AGMO: variants seen among roughly 807,000 people sequenced by gnomAD.
AGMO encodes the protein alkylglycerol monooxygenase.
A neutral mutation model predicts 60.2 loss-of-function variants in AGMO; 75 were observed. The observed-to-expected ratio is 1.25, with a 90% CI of 1.03 to 1.51. AGMO has a LOEUF of 1.51. Ranked by LOEUF, AGMO falls within the 40% of genes most tolerant of loss-of-function variation. AGMO has a pLI of 0.00. For missense variants in AGMO, 763 were observed against 525.5 expected, an observed-to-expected ratio of 1.45 and a Z score of -4.42; for synonymous variants, 261 against 177.1, an observed-to-expected ratio of 1.47 and a Z score of -3.76.
chr7:15,399,882 A>G (rs1784509762), intron 5 of AGMO, among the ~76,000 whole-genome samples: 1 of 152,152 alleles, frequency 6.6e-6, no homozygotes, highest in Non-Finnish European at 1.5e-5. Context: ...GTGATTTCTA[A>G]TGTTCTCTTT....
intron 10 of AGMO, among the ~76,000 whole-genome samples, chr7:15,382,854 G>A (rs1357370733): frequency 1.3e-5 from 2 of 152,076 alleles, no homozygotes. Context: ...GTCACTAGGT[G>A]TTTATAAATG....
At chr7:15,120,932 T>C in the AGMO span, among the ~76,000 whole-genome samples, 1 of 152,026 alleles carries the variant, frequency 6.6e-6, no homozygotes, top group Non-Finnish European at 1.5e-5. Flanking sequence ...TTTTAAGCCC[T>C]GCATGCATTA....
At chr7:15,485,142 C>CAAA (rs34731268) in intron 3 of AGMO, among the ~76,000 whole-genome samples, 5,217 of 97,662 alleles carry the variant, frequency 0.053, 164 homozygotes, top group African/African-American at 0.082. Context: ...ACTAAAAATA[C>CAAA]AAAAAAAAAA....
At chr7:15,192,282 C>T in the AGMO span, among the ~76,000 whole-genome samples, 1 of 146,318 alleles carries the variant, frequency 6.8e-6, no homozygotes, top group South Asian at 2.4e-4. Context: ...ATCCTGTACC[C>T]ATAAAAACCC....
At chr7:15,184,180 T>C in the AGMO span, among the ~76,000 whole-genome samples, 3 of 150,430 alleles carry the variant, frequency 2.0e-5, no homozygotes, top group East Asian at 5.9e-4. Flanking sequence ...TTTAAAGCTT[T>C]AAAAGAAATT....
chr7:15,543,211 T>C (rs1284498457), intron 3 of AGMO, among the ~76,000 whole-genome samples: 1 of 152,134 alleles, frequency 6.6e-6, no homozygotes, highest in East Asian at 1.9e-4. Flanking sequence ...TCTTCAGTAG[T>C]TTTTCAAGAT....
At chr7:15,312,222 A>T (rs1413890013) in intron 12 of AGMO, among the ~76,000 whole-genome samples, 1 of 152,132 alleles carries the variant, frequency 6.6e-6, no homozygotes, top group African/African-American at 2.4e-5. Flanking sequence ...AAAAAGCTGG[A>T]AGTCTTCTAG....
chr7:15,266,479 T>C (rs1213489878), intron 12 of AGMO, among the ~76,000 whole-genome samples: 2 of 152,086 alleles, frequency 1.3e-5, no homozygotes, highest in Admixed American at 1.3e-4. Flanking sequence ...ATTAAAATTT[T>C]ACTAAATGAA....
At chr7:15,560,361 C>G (rs377352894) in intron 1 of AGMO, 90 bp from the exon 2 acceptor site, 2 of 1,426,914 alleles carry the variant, frequency 1.4e-6, no homozygotes, top group East Asian at 4.9e-5. Context: ...AATTGAAAGG[C>G]CCAGATTTGG....
intron 12 of AGMO, among the ~76,000 whole-genome samples, chr7:15,244,998 A>C (rs191229110): frequency 1.3e-5 from 2 of 152,116 alleles, no homozygotes; most frequent in African/African-American, 4.8e-5. Flanking sequence ...TAATTGACTT[A>C]GTATCTTGGA....
In AGMO at chr7:15,392,806, AC is replaced by A. The variant is rs1295468853; in HGVS notation, c.676+1306del. 5.4e-3 allele frequency among the ~76,000 whole-genome samples: 317 copies of A among 59,214 alleles called. 1 individual carries two copies. The highest frequency in any genetic ancestry group is 0.026 in the African/African-American group (289 of 11,012). The allele number at this position is 59,214 out of a possible 152,430, so 38.8% of individuals were successfully genotyped here. A position where few individuals can be genotyped will look rare whatever the true frequency, so the allele number is the denominator to read the frequency against. On this transcript the variant is annotated intron_variant, in intron 6 of 12. Coordinates refer to ENST00000342526, the MANE Select transcript of AGMO (RefSeq NM_001004320.2). ...AGAATGAGACTCTGTCTCAAAACAA[AC>A]AAACAAACAAACAAACAAACAAACA...
chr7:15,199,801 T>C (rs978786865), downstream of AGMO, among the ~76,000 whole-genome samples: 4 of 152,182 alleles, frequency 2.6e-5, no homozygotes, highest in Non-Finnish European at 4.4e-5. Context: ...AATTAAGAAG[T>C]ATAAAAAGAA....
chr7:15,387,076 T>C (rs1173848336), intron 9 of AGMO, among the ~76,000 whole-genome samples: 2 of 152,188 alleles, frequency 1.3e-5, no homozygotes, highest in Non-Finnish European at 2.9e-5. Context: ...TCTAGTGTTC[T>C]AGGACTCTGT....
chr7:15,493,957 G>C (rs1783151738), intron 3 of AGMO, among the ~76,000 whole-genome samples: 2 of 152,070 alleles, frequency 1.3e-5, no homozygotes, highest in South Asian at 4.1e-4. Flanking sequence ...AGGATAAGTG[G>C]GGGTATCCAC....
intron 12 of AGMO, among the ~76,000 whole-genome samples, chr7:15,295,314 T>C (rs1784379512): frequency 6.6e-6 from 1 of 152,042 alleles, no homozygotes; most frequent in Non-Finnish European, 1.5e-5. Context: ...AAAATATTTA[T>C]TGAGCACAAA....
At chr7:15,385,748 CGTA>C (rs1258858731) in intron 9 of AGMO, among the ~76,000 whole-genome samples, 186 bp from the exon 10 acceptor site, 1 of 152,034 alleles carries the variant, frequency 6.6e-6, no homozygotes, top group Non-Finnish European at 1.5e-5. Flanking sequence ...ACAATTATGA[CGTA>C]GTCTGCCTTA....
chr7:15,249,574 C>T (rs535799929), intron 12 of AGMO, among the ~76,000 whole-genome samples: 1 of 152,168 alleles, frequency 6.6e-6, no homozygotes, highest in East Asian at 1.9e-4. Context: ...GTATGACACC[C>T]TTTTCCATAA....
intron 9 of AGMO, 133 bp from the exon 10 acceptor site, chr7:15,385,695 G>T: frequency 6.1e-6 from 4 of 655,028 alleles, no homozygotes; most frequent in Non-Finnish European, 1.1e-5. Flanking sequence ...TTTAAAAATA[G>T]AAACATGTCT....
At chr7:15,182,547 C>T in the AGMO span, among the ~76,000 whole-genome samples, 1 of 152,110 alleles carries the variant, frequency 6.6e-6, no homozygotes, top group Non-Finnish European at 1.5e-5. Flanking sequence ...TCCCGAGTAG[C>T]CGGGACTGCA....
Sources: allele counts gnomAD v4.1 joint callset (sites outside exome capture counted in the v4.1 genomes callset), GRCh38; gene constraint gnomAD v4.1.1; transcripts MANE v1.5; gene names NCBI Gene and HGNC (gene_info 2026-07-23, HGNC 2026-07-21).